Variants in AGBL4 observed in about 807,000 individuals in gnomAD.
AGBL4 encodes AGBL carboxypeptidase 4.
AGBL4 carries 58 observed loss-of-function variants against 66.4 expected under a neutral mutation model. That is an observed-to-expected ratio of 0.87 (90% confidence interval 0.71 to 1.09). The LOEUF (loss-of-function observed/expected upper bound fraction) is 1.09, where lower values mean the gene tolerates loss of function less well. Among genes scored for constraint, AGBL4 ranks in the 50% least tolerant of loss-of-function variants. AGBL4 has a pLI of 0.00. For synonymous variants in AGBL4, 234 were observed against 222.9 expected, an observed-to-expected ratio of 1.05 and a Z score of -0.44; for missense variants, 579 against 631.0, an observed-to-expected ratio of 0.92 and a Z score of 0.88.
Position 48,824,009 on chromosome 1 carries a change from G to T in AGBL4, c.634+43182C>A, listed in dbSNP as rs536858987. Reference sequence around the variant, plus strand: ...TGTGTATATGTGCACATGTCATTAGGATAGTTTCCTTCTCCCAAGATGTGT... The same window carrying T: ...TGTGTATATGTGCACATGTCATTAGTATAGTTTCCTTCTCCCAAGATGTGT... On this transcript the variant is annotated intron_variant, in intron 6 of 13. Coordinates refer to ENST00000371839, the MANE Select transcript of AGBL4 (RefSeq NM_032785.4). 2.0e-5 allele frequency among the ~76,000 whole-genome samples: 3 copies of T among 152,136 alleles called. No homozygotes were observed. The East Asian group carries it at 5.8e-4, about 29-fold the overall frequency.
intron 2 of AGBL4, among the ~76,000 whole-genome samples, chr1:49,823,477 A>G (rs1213072591): frequency 6.6e-6 from 1 of 152,202 alleles, no homozygotes; most frequent in African/African-American, 2.4e-5. Flanking sequence ...ATCAGATAAT[A>G]ATAGACCAGT....
At chr1:48,646,917 G>C (rs934177906) in intron 8 of AGBL4, among the ~76,000 whole-genome samples, 1 of 152,116 alleles carries the variant, frequency 6.6e-6, no homozygotes. Flanking sequence ...TTACATACTA[G>C]CTCCTCTTGT....
chr1:48,982,700 C>T (rs1036434963), intron 5 of AGBL4, among the ~76,000 whole-genome samples: 1 of 152,042 alleles, frequency 6.6e-6, no homozygotes, highest in African/African-American at 2.4e-5. Flanking sequence ...CATTTATAAT[C>T]CTTTGGGTAT....
At chr1:49,876,068 G>C (rs1292939005) in intron 1 of AGBL4, among the ~76,000 whole-genome samples, 1 of 148,528 alleles carries the variant, frequency 6.7e-6, no homozygotes, top group Non-Finnish European at 1.5e-5. Context: ...CCCTTTGTCA[G>C]ATGAGTAGGT....
intron 3 of AGBL4, among the ~76,000 whole-genome samples, chr1:49,529,419 C>A (rs1650921099): frequency 6.6e-6 from 1 of 152,084 alleles, no homozygotes; most frequent in African/African-American, 2.4e-5. Context: ...GTGGCTTATG[C>A]CAGTAATCCC....
chr1:49,798,069 A>T (rs1395953055), intron 2 of AGBL4, among the ~76,000 whole-genome samples: 1 of 152,116 alleles, frequency 6.6e-6, no homozygotes, highest in Non-Finnish European at 1.5e-5. Flanking sequence ...TTTTAAAAGT[A>T]TGTACCTCTC....
intron 2 of AGBL4, among the ~76,000 whole-genome samples, chr1:49,736,969 T>A (rs1181498865): frequency 1.3e-5 from 2 of 151,990 alleles, no homozygotes; most frequent in African/African-American, 4.8e-5. Context: ...TGAGATACCA[T>A]CTGACACCAG....
chr1:49,809,756 A>G (rs1261494950), intron 2 of AGBL4, among the ~76,000 whole-genome samples: 6 of 152,234 alleles, frequency 3.9e-5, no homozygotes, highest in Admixed American at 3.9e-4. Context: ...AGAAATTTAT[A>G]TAAAGAAAGG....
chr1:49,658,606 C>T (rs1646201384), intron 3 of AGBL4, among the ~76,000 whole-genome samples: 2 of 152,136 alleles, frequency 1.3e-5, no homozygotes, highest in Non-Finnish European at 2.9e-5. Context: ...TTGGAACCAA[C>T]CCAAATGTCC....
At chr1:49,906,777 T>C (rs1309736741) in intron 1 of AGBL4, among the ~76,000 whole-genome samples, 2 of 152,100 alleles carry the variant, frequency 1.3e-5, no homozygotes. Context: ...TGCCTCTAAA[T>C]TGGTACAGAC....
intron 1 of AGBL4, among the ~76,000 whole-genome samples, chr1:49,856,228 T>A (rs1354811391): frequency 6.6e-6 from 1 of 152,026 alleles, no homozygotes; most frequent in Non-Finnish European, 1.5e-5. Flanking sequence ...TAATGAGTAG[T>A]AAGATTGAAT....
downstream of AGBL4, among the ~76,000 whole-genome samples, chr1:48,529,977 A>C (rs183743194): frequency 1.3e-4 from 19 of 151,954 alleles, no homozygotes; most frequent in East Asian, 3.7e-3. Context: ...TCCTGAAATC[A>C]TTACACATTT....
intron 2 of AGBL4, among the ~76,000 whole-genome samples, chr1:49,705,050 AT>A (rs1647182193): frequency 6.6e-6 from 1 of 152,092 alleles, no homozygotes; most frequent in Admixed American, 6.6e-5. Context: ...GATTCTTCCT[AT>A]CTATGAGCAT....
chr1:48,848,825 G>A (rs552252211), intron 6 of AGBL4, among the ~76,000 whole-genome samples: 3 of 152,174 alleles, frequency 2.0e-5, no homozygotes, highest in South Asian at 4.1e-4. Context: ...CAATGGAGCC[G>A]CACAGACCTG....
chr1:48,756,905 G>A (rs933557353), intron 6 of AGBL4, among the ~76,000 whole-genome samples: 1 of 152,196 alleles, frequency 6.6e-6, no homozygotes, highest in Admixed American at 6.5e-5. Context: ...TCAGGGAAGA[G>A]CTAGCCACTG....
intron 9 of AGBL4, among the ~76,000 whole-genome samples, chr1:48,593,414 G>T (rs961995518): frequency 6.6e-6 from 1 of 152,150 alleles, no homozygotes; most frequent in Non-Finnish European, 1.5e-5. Context: ...TCTTAGTGAT[G>T]AAATTTGTAT....
intron 6 of AGBL4, among the ~76,000 whole-genome samples, chr1:48,724,979 T>C (rs189152795): frequency 1.3e-5 from 2 of 152,312 alleles, no homozygotes; most frequent in African/African-American, 2.4e-5. Flanking sequence ...ACTCTAAGTG[T>C]ACAAGTGAGG....
rs866684105 is a variant in AGBL4, at chr1:48,591,302, C to T, written c.952-317G>A. Among the ~76,000 whole-genome samples, 3 of 152,142 alleles carry T rather than the reference C, an allele frequency of 2.0e-5. No homozygotes were observed. In the East Asian group the frequency reaches 5.8e-4, roughly 29 times the overall value. The stretch of plus-strand genomic sequence containing the variant: ...TGAAATTTATTAGCTTGGGTTAAGT[C>T]ATGATGTTACTTACTCAGAACAGCT... On this transcript the variant is annotated intron_variant, in intron 9 of 13. Transcript: ENST00000371839.
chr1:49,691,414 T>G (rs1646883994), intron 3 of AGBL4: 1 of 157,012 alleles, frequency 6.4e-6, no homozygotes. Context: ...TGTGCAGACA[T>G]GTTCTTGGGG....
Sources: gnomAD v4.1 joint callset for allele counts (sites outside exome capture counted in the v4.1 genomes callset) on GRCh38, gnomAD v4.1.1 for gene constraint, MANE v1.5 for transcripts, NCBI Gene and HGNC (gene_info 2026-07-23, HGNC 2026-07-21) for gene names.